The following JAKMIP2 variants were observed in gnomAD, a reference collection of about 807,000 sequenced individuals.
The protein encoded by JAKMIP2 is janus kinase and microtubule interacting protein 2, also known as janus kinase and microtubule-interacting protein 2.
JAKMIP2 carries 25 observed loss-of-function variants against 115.0 expected under a neutral mutation model. The ratio of observed to expected loss-of-function variants is 0.22; its 90% confidence interval spans 0.16 to 0.30. The LOEUF (loss-of-function observed/expected upper bound fraction) is 0.30. JAKMIP2 is among the 10% of genes least tolerant of loss of function. JAKMIP2 has a pLI of 1.00. For missense variants in JAKMIP2, 642 were observed against 957.6 expected, an observed-to-expected ratio of 0.67 and a Z score of 4.35; for synonymous variants, 334 against 343.6, an observed-to-expected ratio of 0.97 and a Z score of 0.31.
chr5:147,659,727 C>A (rs1167654233), intron 3 of JAKMIP2, among the ~76,000 whole-genome samples: 1 of 152,168 alleles, frequency 6.6e-6, no homozygotes, highest in Non-Finnish European at 1.5e-5. Context: ...GTTTCAAAAA[C>A]CAAAGGCAGG....
Position 147,631,463 on chromosome 5 carries a change from A to C in JAKMIP2, c.1825T>G (p.Ser609Ala). Residue 609 changes from serine to alanine, a missense_variant, in exon 14 of 22, where the codon TCA becomes GCA. Around this residue, in one of 6 missense-constraint regions of JAKMIP2, gnomAD observed 103 missense variants for 177.6 expected, o/e 0.58. Transcript: ENST00000616793. Reference protein sequence around the residue: ...PPFNLQIHPFSDGVSALQIYC... With the variant: ...PPFNLQIHPFADGVSALQIYC... The stretch of plus-strand genomic sequence containing the variant: ...ATCTGTAGAGCACTCACACCATCTG[A>C]GAATGGGTGAATTTGGAGATTAAAT... The C allele has an allele frequency of 6.2e-7, 1 of 1,612,392 alleles. No individual in the cohort carries two copies. The highest frequency in any genetic ancestry group is 8.5e-7 in the Non-Finnish European group (1 of 1,178,520).
Position 147,660,993 on chromosome 5 carries a change from G to C in JAKMIP2, c.582C>G (p.Ala194=), listed in dbSNP as rs1330631080. 6.2e-7 allele frequency: 1 copy of C among 1,613,970 alleles called. No homozygotes were observed. Among genetic ancestry groups the C allele is most frequent in the East Asian group, 2.2e-5 (1 of 44,840 alleles). ...CCGACTCCCACTTGATCTTCGAGAT[G>C]GCTTCTTGGTGGGACTGATGCTCAC... ...LRSEHQSHQE[A]ISKIKWESER... is the part of the protein sequence containing the mutation. The change falls in exon 3 of 22, where the codon GCC becomes GCG. Residue 194 remains alanine, a synonymous_variant. Coordinates refer to ENST00000616793, the MANE Select transcript of JAKMIP2 (RefSeq NM_001270941.2).
intron 1 of JAKMIP2, among the ~76,000 whole-genome samples, chr5:147,723,002 A>G (rs1218678444): frequency 2.0e-5 from 3 of 152,144 alleles, no homozygotes; most frequent in African/African-American, 4.8e-5. Flanking sequence ...TTATGTTATT[A>G]ATTACATTTT....
intron 1 of JAKMIP2, among the ~76,000 whole-genome samples, chr5:147,680,317 C>A (rs563910476): frequency 2.0e-5 from 3 of 152,274 alleles, no homozygotes; most frequent in South Asian, 2.1e-4. Flanking sequence ...GAAATCCATG[C>A]TTCTGCTTCT....
At chr5:147,667,646 A>G (rs1262379879) in intron 2 of JAKMIP2, among the ~76,000 whole-genome samples, 2 of 152,200 alleles carry the variant, frequency 1.3e-5, no homozygotes, top group Non-Finnish European at 2.9e-5. Context: ...AGAGGTGTGA[A>G]GGAGTCGCTC....
chr5:147,600,095 T>G (rs1017415004), intron 21 of JAKMIP2, among the ~76,000 whole-genome samples: 11 of 146,886 alleles, frequency 7.5e-5, no homozygotes, highest in Admixed American at 2.7e-4. Flanking sequence ...CTGTTTTTTT[T>G]TTTTTTTTTT....
chr5:147,647,477 A>C (rs1279633284), intron 5 of JAKMIP2, among the ~76,000 whole-genome samples: 2 of 152,164 alleles, frequency 1.3e-5, no homozygotes, highest in Non-Finnish European at 2.9e-5. Flanking sequence ...TGATAAAAAA[A>C]ATCCTAATAG....
At chr5:147,629,448 C>T (rs1373600240) in intron 15 of JAKMIP2, among the ~76,000 whole-genome samples, 1 of 152,144 alleles carries the variant, frequency 6.6e-6, no homozygotes, top group Non-Finnish European at 1.5e-5. Flanking sequence ...ATGTGGTCGA[C>T]ATTCAAACCT....
chr5:147,713,935 A>G (rs1752872960), intron 1 of JAKMIP2, among the ~76,000 whole-genome samples: 1 of 152,210 alleles, frequency 6.6e-6, no homozygotes, highest in South Asian at 2.1e-4. Flanking sequence ...CATCTGGGTG[A>G]CCTAGACAAT....
chr5:147,682,264 C>T (rs1760327581), intron 1 of JAKMIP2, among the ~76,000 whole-genome samples: 1 of 152,106 alleles, frequency 6.6e-6, no homozygotes, highest in Non-Finnish European at 1.5e-5. Flanking sequence ...GGCAAGAGGT[C>T]AGCTTGGAGA....
intron 1 of JAKMIP2, among the ~76,000 whole-genome samples, chr5:147,732,653 G>A (rs1753777291): frequency 6.6e-6 from 1 of 152,134 alleles, no homozygotes; most frequent in Non-Finnish European, 1.5e-5. Flanking sequence ...TTTACTAGGT[G>A]CAAAGAACTT....
At chr5:147,694,891 T>C (rs1253675619) in intron 1 of JAKMIP2, among the ~76,000 whole-genome samples, 2 of 152,228 alleles carry the variant, frequency 1.3e-5, no homozygotes, top group Admixed American at 6.5e-5. Flanking sequence ...AGTATGCACA[T>C]ATGGGCTCAG....
intron 1 of JAKMIP2, among the ~76,000 whole-genome samples, chr5:147,707,449 A>T (rs1218093717): frequency 6.6e-6 from 1 of 152,070 alleles, no homozygotes; most frequent in Non-Finnish European, 1.5e-5. Context: ...TATGGGGAAA[A>T]ATCCATTCAT....
rs186198602 is a variant in JAKMIP2 at position 147,590,092 on chromosome 5, C to T, written c.*1615G>A. 1.3e-5 allele frequency: 2 copies of T among 152,304 alleles called. No individual in the cohort carries two copies. The highest frequency in any genetic ancestry group is 1.3e-4 in the Admixed American group (2 of 15,290). 9.4% of individuals were successfully genotyped at this position (152,304 alleles called of 1,614,324 possible). A position where few individuals can be genotyped will look rare whatever the true frequency, so the allele number is the denominator to read the frequency against. On this transcript the variant is annotated 3_prime_UTR_variant, in exon 22 of 22. Transcript: ENST00000616793. ...GTAAGAACAAAAAGTGGGACCCCAG[C>T]ATTCTAGTTTTTATTGTACATTCTT...
rs1296096270 is a variant in JAKMIP2 at position 147,650,602 on chromosome 5, T to C, written c.628-55A>G. ...TTTAACAATGCTGTAAAGAAATACA[T>C]TTTTACAATGGTGTAGGTTTAACTT... On this transcript the variant is annotated intron_variant, in intron 3 of 21. Transcript: ENST00000616793. 2.0e-5 allele frequency: 27 copies of C among 1,350,236 alleles called. 1 individual carries two copies. In the East Asian group the frequency reaches 6.0e-4, roughly 30 times the overall value. 83.6% of individuals were successfully genotyped at this position (1,350,236 alleles called of 1,614,324 possible). A position where few individuals can be genotyped will look rare whatever the true frequency, so the allele number is the denominator to read the frequency against.
intron 1 of JAKMIP2, among the ~76,000 whole-genome samples, chr5:147,728,913 A>C (rs1172559198): frequency 6.6e-6 from 1 of 152,204 alleles, no homozygotes; most frequent in Non-Finnish European, 1.5e-5. Flanking sequence ...AATGCTGGAA[A>C]GTGTCAGACC....
At chr5:147,678,899 T>A (rs188917139) in intron 1 of JAKMIP2, among the ~76,000 whole-genome samples, 1 of 152,180 alleles carries the variant, frequency 6.6e-6, no homozygotes, top group Non-Finnish European at 1.5e-5. Flanking sequence ...ATCCTGGTTG[T>A]ATACTCTGTG....
chr5:147,650,224 A>C, intron 4 of JAKMIP2, 114 bp downstream of exon 4: 1 of 700,522 alleles, frequency 1.4e-6, no homozygotes, highest in Non-Finnish European at 2.5e-6. Context: ...TTATAGTAGA[A>C]GGTAGATTGA....
intron 21 of JAKMIP2, chr5:147,595,386 G>A: frequency 4.4e-6 from 2 of 454,946 alleles, no homozygotes; most frequent in Non-Finnish European, 8.9e-6. Flanking sequence ...ACTAACTTAG[G>A]CTCTTTTGCC....
Sources: gnomAD v4.1 joint callset for allele counts (sites outside exome capture counted in the v4.1 genomes callset) on GRCh38, gnomAD v4.1.1 for gene constraint, gnomAD v4.1.1 regional missense constraint, MANE v1.5 for transcripts, NCBI Gene and HGNC (gene_info 2026-07-23, HGNC 2026-07-21) for gene names.